Variants in DOCK4 observed in about 807,000 individuals in gnomAD.
DOCK4 encodes the protein dedicator of cytokinesis 4, also known as dedicator of cytokinesis protein 4.
A neutral mutation model predicts 268.1 loss-of-function variants in DOCK4; 97 were observed. The ratio of observed to expected loss-of-function variants is 0.36; its 90% CI spans 0.31 to 0.43. DOCK4 has a LOEUF of 0.43. DOCK4 is among the 20% of genes least tolerant of loss of function. The pLI is 1.00. For missense variants in DOCK4, 2,145 were observed against 2,455.7 expected, an observed-to-expected ratio of 0.87 and a Z score of 2.67; for synonymous variants, 954 against 887.2, an observed-to-expected ratio of 1.08 and a Z score of -1.34.
At chr7:112,123,992 G>A (rs186021096) in intron 1 of DOCK4, among the ~76,000 whole-genome samples, 1 of 152,130 alleles carries the variant, frequency 6.6e-6, no homozygotes, top group East Asian at 1.9e-4. Flanking sequence ...CATGAGGATA[G>A]GGTATTAGTT....
intron 13 of DOCK4, among the ~76,000 whole-genome samples, chr7:111,907,622 C>T (rs1004159823): frequency 3.9e-5 from 6 of 152,174 alleles, no homozygotes; most frequent in Non-Finnish European, 7.3e-5. Flanking sequence ...ACCACCATCT[C>T]CTCGCACATC....
At chr7:112,097,412 T>G (rs1180933199) in intron 1 of DOCK4, among the ~76,000 whole-genome samples, 1 of 146,260 alleles carries the variant, frequency 6.8e-6, no homozygotes, top group Non-Finnish European at 1.5e-5. Flanking sequence ...CATCTCTACG[T>G]TTTTTTTTTT....
At chr7:112,146,928 A>C (rs1173079485) in intron 1 of DOCK4, among the ~76,000 whole-genome samples, 3 of 152,160 alleles carry the variant, frequency 2.0e-5, no homozygotes, top group Non-Finnish European at 4.4e-5. Flanking sequence ...ATGCAAATAA[A>C]AATGTTTTAA....
chr7:112,175,887 A>G (rs1451378569), intron 1 of DOCK4, among the ~76,000 whole-genome samples: 1 of 152,220 alleles, frequency 6.6e-6, no homozygotes, highest in African/African-American at 2.4e-5. Context: ...GTGCTATAAT[A>G]ACTTTCCTCT....
intron 1 of DOCK4, among the ~76,000 whole-genome samples, chr7:112,073,159 T>C (rs1169249577): frequency 6.6e-6 from 1 of 152,112 alleles, no homozygotes; most frequent in Non-Finnish European, 1.5e-5. Context: ...CTTCCACTCA[T>C]GTCCTAAAAC....
chr7:111,900,700 G>A (rs1791067003), intron 14 of DOCK4, among the ~76,000 whole-genome samples, 164 bp from the exon 15 acceptor site: 1 of 152,204 alleles, frequency 6.6e-6, no homozygotes, highest in Admixed American at 6.5e-5. Context: ...TGCTTAGCGG[G>A]GTGTATCTAT....
At chr7:111,730,375 C>G (rs1297996184) in intron 52 of DOCK4, among the ~76,000 whole-genome samples, 1 of 152,134 alleles carries the variant, frequency 6.6e-6, no homozygotes, top group Non-Finnish European at 1.5e-5. Context: ...ACATAATGTC[C>G]TGGAAAACTA....
chr7:112,063,731 G>C (rs1806659187), intron 1 of DOCK4, among the ~76,000 whole-genome samples: 1 of 152,014 alleles, frequency 6.6e-6, no homozygotes, highest in South Asian at 2.1e-4. Flanking sequence ...TTCCAATTTA[G>C]GGTCTTTGTA....
At chr7:111,948,004 A>G (rs1795755491) in intron 8 of DOCK4, among the ~76,000 whole-genome samples, 1 of 152,204 alleles carries the variant, frequency 6.6e-6, no homozygotes, top group Non-Finnish European at 1.5e-5. Context: ...CTGGGATTAC[A>G]GGCGTGGGCT....
intron 1 of DOCK4, among the ~76,000 whole-genome samples, chr7:112,109,896 C>T (rs375960998): frequency 1.3e-5 from 2 of 150,236 alleles, no homozygotes; most frequent in African/African-American, 2.5e-5. Flanking sequence ...AGGCGCCCGC[C>T]ATCACGCCCG....
intron 41 of DOCK4, among the ~76,000 whole-genome samples, chr7:111,756,163 A>G (rs1585887437): frequency 6.6e-6 from 1 of 152,098 alleles, no homozygotes; most frequent in East Asian, 1.9e-4. Context: ...CCTGGATAAT[A>G]TGGTGAAACC....
chr7:112,177,152 T>C (rs1818608258), intron 1 of DOCK4, among the ~76,000 whole-genome samples: 1 of 152,190 alleles, frequency 6.6e-6, no homozygotes, highest in Admixed American at 6.5e-5. Context: ...GTGGTGCCTG[T>C]CCCTACTGTT....
At chr7:111,885,387 T>C (rs924478922) in intron 16 of DOCK4, among the ~76,000 whole-genome samples, 30 of 152,330 alleles carry the variant, frequency 2.0e-4, no homozygotes, top group African/African-American at 6.7e-4. Context: ...GAGAATATTT[T>C]TTCTACCAAA....
rs1352600520 is a variant in DOCK4, at chr7:111,726,898, T to C, written c.*1376A>G. 6.6e-6 allele frequency: 1 copy of C among 152,560 alleles called. No homozygotes were observed. The highest frequency in any genetic ancestry group is 2.4e-5 in the African/African-American group (1 of 41,438). The allele number at this position is 152,560 out of a possible 1,614,324, so 9.5% of individuals were successfully genotyped here. On this transcript the variant is annotated 3_prime_UTR_variant, in exon 53 of 53. Transcript: ENST00000428084. ...GCATATACCTGCTGAATGGTTTCAT[T>C]AAGAGAATATAAAAAAGTGGTCACT... is the stretch of plus-strand genomic sequence containing the variant.
chr7:111,742,424 C>T (rs138074339), intron 44 of DOCK4, among the ~76,000 whole-genome samples: 7 of 152,222 alleles, frequency 4.6e-5, no homozygotes, highest in African/African-American at 1.4e-4. Context: ...TATAATGCCT[C>T]GTAACAGTTA....
chr7:111,935,171 C>T (rs148605640), intron 12 of DOCK4, among the ~76,000 whole-genome samples: 1 of 151,680 alleles, frequency 6.6e-6, no homozygotes, highest in African/African-American at 2.4e-5. Flanking sequence ...TGGTCTCGAA[C>T]TCCTGACTTC....
At chr7:111,778,038 G>A (rs1437608137) in intron 36 of DOCK4, among the ~76,000 whole-genome samples, 1 of 152,228 alleles carries the variant, frequency 6.6e-6, no homozygotes, top group East Asian at 1.9e-4. Context: ...TATGTATTTT[G>A]TAATCCCCAG....
rs527378494 is a variant in DOCK4 at position 111,877,089 on chromosome 7, G to T, written c.1685C>A (p.Ala562Asp). The stretch of plus-strand genomic sequence containing the variant: ...TGTAATACAAAAGGACTCCTTTGTG[G>T]CCTTCATGGCTTGATTATTATTCCC... Reference protein sequence around the residue: ...FLGNNNQAMKATKESFCITSF... With the variant: ...FLGNNNQAMKDTKESFCITSF... Residue 562 changes from alanine (A) to aspartate (D), a missense_variant, in exon 17 of 53, where the codon GCC becomes GAC. Transcript: ENST00000428084. The T allele has an allele frequency of 6.3e-7, 1 of 1,590,606 alleles. No homozygotes were observed. The highest frequency in any genetic ancestry group is 2.3e-5 in the East Asian group (1 of 43,434).
chr7:111,925,306 C>T (rs1047782310), intron 12 of DOCK4, among the ~76,000 whole-genome samples: 1 of 152,082 alleles, frequency 6.6e-6, no homozygotes, highest in Non-Finnish European at 1.5e-5. Context: ...AGAGGCACAT[C>T]CTAGCTACAC....
Sources: gnomAD v4.1 joint callset for allele counts (sites outside exome capture counted in the v4.1 genomes callset) on GRCh38, gnomAD v4.1.1 for gene constraint, MANE v1.5 for transcripts, NCBI Gene and HGNC (gene_info 2026-07-23, HGNC 2026-07-21) for gene names.